The following OTOF variants were observed in gnomAD, a reference collection of about 807,000 sequenced individuals.
The protein encoded by OTOF is otoferlin.
In OTOF, 218 loss-of-function variants were observed where a neutral mutation model predicts 236.8. The ratio of observed to expected loss-of-function variants is 0.92; its 90% CI spans 0.82 to 1.03. OTOF has a LOEUF of 1.03. Ranked by LOEUF, OTOF falls within the 50% of genes least tolerant of loss-of-function variation. The pLI, the probability that OTOF is intolerant of heterozygous loss-of-function variation, is 0.00. For missense variants in OTOF, 2,590 were observed against 2,694.4 expected (o/e 0.96, Z 0.86); for synonymous variants, 1,041 against 1,072.5 (o/e 0.97, Z 0.57).
chr2:26,465,946 T>C lies in OTOF; in HGVS notation c.4628+3A>G, dbSNP rs746526176. 5 of 1,614,240 alleles carry C rather than the reference T, an allele frequency of 3.1e-6. No individual in the cohort carries two copies. The highest frequency in any genetic ancestry group is 2.2e-5 in the East Asian group (1 of 44,882). On this transcript the variant is annotated splice_donor_region_variant and intron_variant, in intron 37 of 46. Coordinates refer to ENST00000272371, the MANE Select transcript of OTOF (RefSeq NM_194248.3). ...GGCAGGGGAGGGCACCAAGAAGCCT[T>C]ACTTCCCAAAGACAGGGTTGAGCTG...
chr2:26,474,325 A>AC (rs1346968396), intron 26 of OTOF, among the ~76,000 whole-genome samples, 188 bp downstream of exon 26: 1 of 105,848 alleles, frequency 9.4e-6, no homozygotes, highest in Non-Finnish European at 2.0e-5. Flanking sequence ...CCAGGCCCTA[A>AC]CCCCCCAGGC....
At chr2:26,547,238 A>G (rs1406244817) in intron 1 of OTOF, among the ~76,000 whole-genome samples, 1 of 151,978 alleles carries the variant, frequency 6.6e-6, no homozygotes, top group Non-Finnish European at 1.5e-5. Flanking sequence ...ATAATCATGA[A>G]TTTTTTCCTT....
chr2:26,537,587 G>A (rs557074313), intron 2 of OTOF, 129 bp downstream of exon 2: 6 of 732,528 alleles, frequency 8.2e-6, no homozygotes, highest in South Asian at 7.4e-5. Flanking sequence ...AAGCAGCTGA[G>A]AGGTGAGGGG....
In OTOF at chr2:26,465,969, C is replaced by A. The variant is rs1664708008; in HGVS notation, c.4608G>T (p.Gln1536His). 3 of 1,614,238 alleles carry A rather than the reference C, an allele frequency of 1.9e-6. No individual in the cohort carries two copies. Residue 1536 changes from glutamine (Q) to histidine (H), a missense_variant, in exon 37 of 47, where the codon CAG becomes CAT. Transcript: ENST00000272371. The stretch of plus-strand genomic sequence containing the variant: ...CTTACTTCCCAAAGACAGGGTTGAG[C>A]TGCTTGGAGATGTAGTTCTCCTTGT... ...IRDKENYISK[Q>H]LNPVFGKSFD...
intron 9 of OTOF, among the ~76,000 whole-genome samples, chr2:26,491,079 A>T (rs1665830017): frequency 6.6e-6 from 1 of 152,186 alleles, no homozygotes. Flanking sequence ...CCAAGAAGAC[A>T]CAGCCTTTCA....
chr2:26,481,760 C>T (rs890722415), intron 14 of OTOF, among the ~76,000 whole-genome samples: 1 of 152,090 alleles, frequency 6.6e-6, no homozygotes, highest in Non-Finnish European at 1.5e-5. Context: ...GTCCCAATCC[C>T]CTCCCTTTAG....
intron 22 of OTOF, 103 bp downstream of exon 22, chr2:26,476,788 T>A: frequency 1.0e-6 from 1 of 991,636 alleles, no homozygotes; most frequent in Non-Finnish European, 1.5e-6. Flanking sequence ...GAGCACCTGC[T>A]GCTTGAAGGC....
At chr2:26,463,921 C>G in intron 40 of OTOF, 43 bp downstream of exon 40, 2 of 1,613,056 alleles carry the variant, frequency 1.2e-6, no homozygotes, top group Non-Finnish European at 1.7e-6. Context: ...GATCCCTGGT[C>G]CCCAATACCC....
Position 26,480,921 on chromosome 2 carries a change from G to T in OTOF, c.1668C>A (p.Asn556Lys). Reference sequence around the variant, plus strand: ...AGGACACACCCTCCCCCAGGCCCTCGTTCAGGTCCTGATGCTCATCCAGCA... The same window carrying T: ...AGGACACACCCTCCCCCAGGCCCTCTTTCAGGTCCTGATGCTCATCCAGCA... ...YTLLDEHQDL[N>K]EGLGEGVSFR... The change falls in exon 15 of 47, where the codon AAC becomes AAA. Residue 556 changes from asparagine (N) to lysine (K), a missense_variant. Coordinates refer to ENST00000272371, the MANE Select transcript of OTOF (RefSeq NM_194248.3). 6.2e-7 allele frequency: 1 copy of T among 1,612,950 alleles called. No homozygotes were observed. Among genetic ancestry groups the T allele is most frequent in the Non-Finnish European group, 8.5e-7 (1 of 1,179,908 alleles).
At chr2:26,540,239 G>A (rs921729159) in intron 1 of OTOF, among the ~76,000 whole-genome samples, 2 of 152,160 alleles carry the variant, frequency 1.3e-5, no homozygotes, top group Non-Finnish European at 2.9e-5. Context: ...GCCGAAAGAC[G>A]AATACCTTTA....
rs780511439 is a variant in OTOF at position 26,467,260 on chromosome 2, C to T, written c.4228-27G>A. 5 of 1,613,906 alleles carry T rather than the reference C, an allele frequency of 3.1e-6. No individual in the cohort carries two copies. The African/African-American group carries it at 5.3e-5, about 17-fold the overall frequency. Reference sequence around the variant, plus strand: ...TGAGACAGACCAGGCTGTTAGGGGGCGGCTGCCTGGTCTCTGGCTTTTGTC... The same window carrying T: ...TGAGACAGACCAGGCTGTTAGGGGGTGGCTGCCTGGTCTCTGGCTTTTGTC... On this transcript the variant is annotated intron_variant, in intron 34 of 46. Transcript: ENST00000272371.
chr2:26,534,921 G>T (rs1314793204), intron 2 of OTOF, among the ~76,000 whole-genome samples: 4 of 152,216 alleles, frequency 2.6e-5, no homozygotes, highest in Non-Finnish European at 5.9e-5. Context: ...GGAACCACTG[G>T]CAGGCAGATT....
At chr2:26,537,220 C>T (rs966975848) in intron 2 of OTOF, among the ~76,000 whole-genome samples, 2 of 152,164 alleles carry the variant, frequency 1.3e-5, no homozygotes, top group Admixed American at 6.5e-5. Context: ...CTGGAGATGG[C>T]GCCCTCACTC....
chr2:26,471,989 A>G (rs767446548), intron 30 of OTOF, among the ~76,000 whole-genome samples: 1 of 152,040 alleles, frequency 6.6e-6, no homozygotes, highest in Non-Finnish European at 1.5e-5. Flanking sequence ...CCACATGCAC[A>G]CACATATGCA....
At position 26,461,779 on chromosome 2, in the gene OTOF, C is replaced by T. The variant is rs779969253; in HGVS notation, c.5450G>A (p.Trp1817Ter). The T allele has an allele frequency of 6.2e-7, 1 of 1,614,198 alleles. No individual in the cohort carries two copies. Among genetic ancestry groups the T allele is most frequent in the Non-Finnish European group, 8.5e-7 (1 of 1,180,024 alleles). Residue 1817 changes from tryptophan (W) to a stop codon, truncating the protein, a stop_gained, in exon 43 of 47, where the codon TGG (tryptophan) becomes TAG (stop). Coordinates refer to ENST00000272371, the MANE Select transcript of OTOF (RefSeq NM_194248.3). LOFTEE classifies it high-confidence loss of function. This position sits in a 1 kb window ranked among gnomAD's most constrained non-coding sequence, Gnocchi z 6.2. ...GGGGATCTTGTACTCGGTCTCGTCCCAGGAGAACATGGACTCCTTCTTGGA... is the reference window on the plus strand; with the variant it reads ...GGGGATCTTGTACTCGGTCTCGTCCTAGGAGAACATGGACTCCTTCTTGGA... The part of the protein sequence containing the change: ...VISKKESMFS[W>*]DETEYKIPAR...
At chr2:26,483,060 T>TG (rs1363691209) in intron 13 of OTOF, among the ~76,000 whole-genome samples, 10 of 149,130 alleles carry the variant, frequency 6.7e-5, no homozygotes, top group Admixed American at 2.0e-4. Flanking sequence ...CATGTGTGAG[T>TG]GGGTGTGTGT....
chr2:26,507,573 C>T (rs558011893), intron 5 of OTOF, among the ~76,000 whole-genome samples: 39 of 152,272 alleles, frequency 2.6e-4, no homozygotes, highest in African/African-American at 9.1e-4. Flanking sequence ...TAAAATTCTG[C>T]ATTTGGTCTA....
At chr2:26,476,458 G>A in intron 22 of OTOF, 141 bp from the exon 23 acceptor site, 1 of 757,318 alleles carries the variant, frequency 1.3e-6, no homozygotes, top group South Asian at 1.7e-5. Context: ...GTCCGGTGGA[G>A]GCAGGAGGAT....
At chr2:26,527,241 G>C (rs1048918697) in intron 3 of OTOF, among the ~76,000 whole-genome samples, 1 of 152,258 alleles carries the variant, frequency 6.6e-6, no homozygotes, top group Non-Finnish European at 1.5e-5. Context: ...GAATGAGTGA[G>C]TGAATATCTA....
Sources: gnomAD v4.1 joint callset for allele counts (sites outside exome capture counted in the v4.1 genomes callset) on GRCh38, gnomAD v4.1.1 for gene constraint, Gnocchi (gnomAD v3.1) non-coding constraint, MANE v1.5 for transcripts, NCBI Gene and HGNC (gene_info 2026-07-23, HGNC 2026-07-21) for gene names.